CNKSR2: variants seen among roughly 807,000 people sequenced by gnomAD.
The protein encoded by CNKSR2 is CNK homolog protein 2.
In CNKSR2, 14 loss-of-function variants were observed where a neutral mutation model predicts 84.4. The observed-to-expected ratio is 0.17, with a 90% CI of 0.11 to 0.26. The LOEUF (loss-of-function observed/expected upper bound fraction) is 0.26. Among genes scored for constraint, CNKSR2 ranks in the 10% least tolerant of loss-of-function variants. The probability of loss-of-function intolerance (pLI) is 1.00; values close to 1 mark genes in which losing one functional copy is unlikely to be tolerated. For synonymous variants in CNKSR2, 275 were observed against 277.9 expected, an observed-to-expected ratio of 0.99 and a Z score of 0.10; for missense variants, 485 against 771.2, an observed-to-expected ratio of 0.63 and a Z score of 4.40.
intron 13 of CNKSR2, among the ~76,000 whole-genome samples, chrX:21,587,245 C>G (rs1003417946): frequency 6.3e-5 from 7 of 111,322 alleles, no homozygotes; most frequent in African/African-American, 2.0e-4. Flanking sequence ...AATTCTATAC[C>G]CAGCCAAACT....
intron 18 of CNKSR2, among the ~76,000 whole-genome samples, chrX:21,602,936 G>A (rs1393708800): frequency 8.9e-6 from 1 of 112,034 alleles, no homozygotes; most frequent in Non-Finnish European, 1.9e-5. Flanking sequence ...AGGGAGCTTG[G>A]TTCTTAGGCT....
chrX:21,555,103 G>A (rs1051167710), intron 11 of CNKSR2, among the ~76,000 whole-genome samples: 5 of 108,554 alleles, frequency 4.6e-5, no homozygotes, highest in African/African-American at 1.0e-4. Context: ...AATGATTAGC[G>A]ATGTTGAGCT....
intron 8 of CNKSR2, among the ~76,000 whole-genome samples, chrX:21,508,608 G>A (rs775172895): frequency 1.8e-5 from 2 of 111,786 alleles, no homozygotes; most frequent in Non-Finnish European, 3.8e-5. Context: ...TGAAACCTCC[G>A]AAATAAACCT....
chrX:21,549,240 C>G (rs1010220526), intron 11 of CNKSR2, among the ~76,000 whole-genome samples: 2 of 112,258 alleles, frequency 1.8e-5, no homozygotes, highest in Middle Eastern at 4.2e-3. Context: ...GATACAAAAT[C>G]AATGTGCAAA....
At chrX:21,560,562 A>G (rs2092179248) in intron 11 of CNKSR2, among the ~76,000 whole-genome samples, 1 of 111,280 alleles carries the variant, frequency 9.0e-6, no homozygotes. Flanking sequence ...AACCATTATT[A>G]TTTGTATGAT....
At chrX:21,635,408 G>A (rs190322047) in intron 20 of CNKSR2, among the ~76,000 whole-genome samples, 4,615 of 88,470 alleles carry the variant, frequency 0.052, 260 homozygotes, top group African/African-American at 0.21. Context: ...GTGTGTGTGT[G>A]TATATATACA....
intron 4 of CNKSR2, among the ~76,000 whole-genome samples, chrX:21,464,488 C>G (rs771417844): frequency 9.0e-6 from 1 of 111,653 alleles, no homozygotes; most frequent in Non-Finnish European, 1.9e-5. Context: ...GTTGTTAAAT[C>G]GGCTGGGGGG....
chrX:21,565,123 C>T (rs148502986), intron 13 of CNKSR2, among the ~76,000 whole-genome samples: 330 of 111,092 alleles, frequency 3.0e-3, no homozygotes, highest in Non-Finnish European at 5.0e-3. Context: ...AGAGATGAAC[C>T]TAGAGAAGGA....
At chrX:21,632,962 G>T (rs2092654215) in intron 20 of CNKSR2, among the ~76,000 whole-genome samples, 1 of 107,291 alleles carries the variant, frequency 9.3e-6, no homozygotes, top group South Asian at 4.0e-4. Context: ...GTATATAGGT[G>T]TTCATGTGTA....
At chrX:21,473,952 T>C (rs2091232159) in intron 5 of CNKSR2, among the ~76,000 whole-genome samples, 1 of 108,126 alleles carries the variant, frequency 9.2e-6, no homozygotes, top group South Asian at 4.1e-4. Context: ...GGTTTCACCG[T>C]GTTAGCCAGG....
chrX:21,646,016 CTT>C (rs780146293), intron 20 of CNKSR2: 13 of 111,707 alleles, frequency 1.2e-4, no homozygotes, highest in African/African-American at 3.6e-4. Flanking sequence ...TGAAAAGACT[CTT>C]TGTCTAGTCT....
chrX:21,510,127 G>A (rs1268844099), intron 8 of CNKSR2, among the ~76,000 whole-genome samples: 1 of 111,102 alleles, frequency 9.0e-6, no homozygotes, highest in Non-Finnish European at 1.9e-5. Context: ...ATTCATATAG[G>A]CATACTTCTA....
chrX:21,579,611 A>T (rs2061425884), intron 13 of CNKSR2, among the ~76,000 whole-genome samples: 1 of 112,250 alleles, frequency 8.9e-6, no homozygotes, highest in South Asian at 3.7e-4. Flanking sequence ...CATATGAAAT[A>T]CACTTCTTCA....
At chrX:21,387,501 AAAG>A (rs1026713128) in intron 1 of CNKSR2, among the ~76,000 whole-genome samples, 3 of 111,870 alleles carry the variant, frequency 2.7e-5, no homozygotes, top group African/African-American at 9.8e-5. Flanking sequence ...AAAGAAAAGA[AAAG>A]AAATACAGCA....
At chrX:21,393,392 T>C (rs2090078016) in intron 1 of CNKSR2, among the ~76,000 whole-genome samples, 1 of 112,552 alleles carries the variant, frequency 8.9e-6, no homozygotes, top group South Asian at 3.6e-4. Flanking sequence ...AAACAACCTG[T>C]GTCAATTATA....
chrX:21,401,279 C>T (rs2090187694), intron 1 of CNKSR2, among the ~76,000 whole-genome samples: 2 of 110,147 alleles, frequency 1.8e-5, no homozygotes, highest in African/African-American at 6.6e-5. Context: ...TAGATAGCAA[C>T]CTTTTGACTT....
At chrX:21,497,175 G>A (rs1325684278) in intron 6 of CNKSR2, among the ~76,000 whole-genome samples, 1 of 110,997 alleles carries the variant, frequency 9.0e-6, no homozygotes, top group African/African-American at 3.3e-5. Flanking sequence ...TTTACTGGGG[G>A]AAGGGATTGC....
chrX:21,491,557 T>G (rs902722667), intron 6 of CNKSR2: 3 of 111,848 alleles, frequency 2.7e-5, no homozygotes, highest in Non-Finnish European at 5.7e-5. Flanking sequence ...CCATCTATCC[T>G]AGAGAGTAAG....
chrX:21,500,548 T>C (rs1219237578), intron 7 of CNKSR2, among the ~76,000 whole-genome samples: 1 of 110,999 alleles, frequency 9.0e-6, no homozygotes, highest in Admixed American at 9.6e-5. Context: ...TAAAAATGGA[T>C]TTTCTATATA....
Sources: allele counts gnomAD v4.1 joint callset (sites outside exome capture counted in the v4.1 genomes callset), GRCh38; gene constraint gnomAD v4.1.1; transcripts MANE v1.5; gene names NCBI Gene and HGNC (gene_info 2026-07-23, HGNC 2026-07-21).